Variants in GPC5 observed in about 807,000 individuals in gnomAD.
GPC5 encodes the protein glypican 5.
Under a neutral mutation model 53.9 loss-of-function variants are expected in GPC5, and 47 were observed. That is an observed-to-expected ratio of 0.87 (90% CI 0.69 to 1.11). The LOEUF is 1.11. Ranked by LOEUF, GPC5 falls within the 50% of genes most tolerant of loss-of-function variation. The pLI, the probability that GPC5 is intolerant of heterozygous loss-of-function variation, is 0.00. For synonymous variants in GPC5, 286 were observed against 263.3 expected, an observed-to-expected ratio of 1.09 and a Z score of -0.84; for missense variants, 748 against 713.1, an observed-to-expected ratio of 1.05 and a Z score of -0.56.
At chr13:91,534,119 G>A (rs1056867849) in intron 2 of GPC5, among the ~76,000 whole-genome samples, 7 of 152,022 alleles carry the variant, frequency 4.6e-5, no homozygotes, top group Admixed American at 6.6e-5. Flanking sequence ...GCTCACCTAA[G>A]GTTCGGATAT....
At chr13:91,514,970 G>A (rs1885417023) in intron 2 of GPC5, among the ~76,000 whole-genome samples, 1 of 152,094 alleles carries the variant, frequency 6.6e-6, no homozygotes, top group African/African-American at 2.4e-5. Flanking sequence ...CTAGCCTCAT[G>A]GAATCATTTA....
At chr13:92,512,956 T>C (rs1880628977) in intron 7 of GPC5, among the ~76,000 whole-genome samples, 1 of 152,188 alleles carries the variant, frequency 6.6e-6, no homozygotes, top group Admixed American at 6.5e-5. Context: ...CAGCACGTGA[T>C]GCGATGTTGT....
chr13:92,075,280 G>C (rs896142556), intron 6 of GPC5, among the ~76,000 whole-genome samples: 2 of 152,142 alleles, frequency 1.3e-5, no homozygotes, highest in African/African-American at 4.8e-5. Context: ...GACACTGTCT[G>C]CAATATCAAA....
At chr13:92,767,677 G>A (rs539268349) in intron 7 of GPC5, among the ~76,000 whole-genome samples, 11 of 152,122 alleles carry the variant, frequency 7.2e-5, no homozygotes, top group Non-Finnish European at 1.6e-4. Flanking sequence ...CTGACATACA[G>A]ACAGGTTTAC....
At chr13:92,703,913 T>C (rs1887853285) in intron 7 of GPC5, among the ~76,000 whole-genome samples, 1 of 152,016 alleles carries the variant, frequency 6.6e-6, no homozygotes, top group South Asian at 2.1e-4. Context: ...TTCAGAGCTT[T>C]AGAGATCCTA....
At chr13:91,819,787 G>GT (rs1326777014) in intron 5 of GPC5, among the ~76,000 whole-genome samples, 1 of 152,078 alleles carries the variant, frequency 6.6e-6, no homozygotes, top group East Asian at 1.9e-4. Context: ...TGGATTATAA[G>GT]TTTTGCATGC....
intron 7 of GPC5, among the ~76,000 whole-genome samples, chr13:92,366,964 T>C (rs1468798528): frequency 6.6e-6 from 1 of 152,226 alleles, no homozygotes; most frequent in Non-Finnish European, 1.5e-5. Context: ...TTCAGCATTA[T>C]TGTTACCTAG....
At chr13:92,422,941 A>G (rs2139364664) in intron 7 of GPC5, among the ~76,000 whole-genome samples, 1 of 152,326 alleles carries the variant, frequency 6.6e-6, no homozygotes, top group East Asian at 1.9e-4. Flanking sequence ...TCGTTCCTTC[A>G]GGCTGTTTTA....
At chr13:92,848,172 T>C (rs908030581) in intron 7 of GPC5, among the ~76,000 whole-genome samples, 29 of 152,222 alleles carry the variant, frequency 1.9e-4, no homozygotes, top group African/African-American at 6.0e-4. Flanking sequence ...ATTTCTGTCC[T>C]GTGTAAAAAT....
intron 1 of GPC5, among the ~76,000 whole-genome samples, chr13:91,441,026 G>A (rs923848534): frequency 6.6e-5 from 10 of 152,148 alleles, no homozygotes; most frequent in African/African-American, 2.2e-4. Flanking sequence ...GAAAAACTGA[G>A]TTTTCTATTT....
At chr13:92,658,929 T>TTG (rs1886233538) in intron 7 of GPC5, 1 of 128,136 alleles carries the variant, frequency 7.8e-6, no homozygotes, top group Non-Finnish European at 1.6e-5. Context: ...GTTTTGTTTT[T>TTG]TTTTTTTTTT....
chr13:92,053,564 C>A (rs1337960752), intron 6 of GPC5, among the ~76,000 whole-genome samples: 1 of 151,856 alleles, frequency 6.6e-6, no homozygotes, highest in Non-Finnish European at 1.5e-5. Flanking sequence ...CTTTCTTTCT[C>A]TTCCTATATT....
intron 7 of GPC5, among the ~76,000 whole-genome samples, chr13:92,756,863 T>C (rs1408360282): frequency 1.3e-5 from 2 of 150,592 alleles, no homozygotes; most frequent in Non-Finnish European, 3.0e-5. Flanking sequence ...CATTCCATGC[T>C]CATGGGTAGG....
At chr13:92,217,191 T>C (rs1470522107) in intron 7 of GPC5, among the ~76,000 whole-genome samples, 1 of 152,160 alleles carries the variant, frequency 6.6e-6, no homozygotes, top group Admixed American at 6.5e-5. Context: ...TTCCCTATAC[T>C]AGTTTACGCC....
intron 7 of GPC5, among the ~76,000 whole-genome samples, chr13:92,806,827 C>T (rs956639260): frequency 5.3e-5 from 8 of 151,972 alleles, no homozygotes; most frequent in African/African-American, 1.9e-4. Flanking sequence ...ATCACCATAA[C>T]AGGTGTCATA....
chr13:91,441,737 A>G (rs574167175), intron 1 of GPC5, among the ~76,000 whole-genome samples: 34 of 152,336 alleles, frequency 2.2e-4, no homozygotes, highest in African/African-American at 6.7e-4. Context: ...TTCTGCCATT[A>G]TAACATTTCC....
intron 6 of GPC5, among the ~76,000 whole-genome samples, chr13:92,037,136 G>T (rs568180279): frequency 6.6e-6 from 1 of 151,954 alleles, no homozygotes; most frequent in South Asian, 2.1e-4. Context: ...TCTGTCTATT[G>T]CCTAACTCTC....
intron 7 of GPC5, among the ~76,000 whole-genome samples, chr13:92,502,048 AC>A (rs1880202790): frequency 6.6e-6 from 1 of 152,068 alleles, no homozygotes; most frequent in Non-Finnish European, 1.5e-5. Flanking sequence ...GGGTAAATAG[AC>A]TTGTTCTCAT....
At chr13:91,602,532 A>G (rs541947232) in intron 2 of GPC5, among the ~76,000 whole-genome samples, 1 of 152,374 alleles carries the variant, frequency 6.6e-6, no homozygotes, top group African/African-American at 2.4e-5. Flanking sequence ...GCACCAAAAA[A>G]TATGCAGCAA....
Sources: gnomAD v4.1 joint callset for allele counts (sites outside exome capture counted in the v4.1 genomes callset) on GRCh38, gnomAD v4.1.1 for gene constraint, MANE v1.5 for transcripts, NCBI Gene and HGNC (gene_info 2026-07-23, HGNC 2026-07-21) for gene names.